OCM: variants seen among roughly 807,000 people sequenced by gnomAD.
The protein encoded by OCM is oncomodulin.
A neutral mutation model predicts 14.1 loss-of-function variants in OCM; 18 were observed. The observed-to-expected ratio is 1.28, with a 90% CI of 0.88 to 1.89. The LOEUF (loss-of-function observed/expected upper bound fraction) is 1.89. Among genes scored for constraint, OCM ranks in the 40% most tolerant of loss-of-function variants. The pLI is 0.00. For missense variants in OCM, 140 were observed against 137.6 expected (o/e 1.02, Z -0.09); for synonymous variants, 48 against 51.0 (o/e 0.94, Z 0.25).
the OCM span, among the ~76,000 whole-genome samples, chr7:5,861,533 G>T: frequency 1.1e-3 from 162 of 152,246 alleles, no homozygotes; most frequent in African/African-American, 3.5e-3. Flanking sequence ...ATTCAGGAAG[G>T]AAAACATGTT....
At chr7:5,867,912 T>C in the OCM span, among the ~76,000 whole-genome samples, 1 of 151,832 alleles carries the variant, frequency 6.6e-6, no homozygotes, top group South Asian at 2.1e-4. Flanking sequence ...CTTTTTAAAA[T>C]TTTTTTGTAG....
rs371136495 is a variant in OCM, at chr7:5,885,995, T to C, written c.305-69T>C. 1.1e-3 allele frequency: 1,752 copies of C among 1,609,094 alleles called. 3 individuals carry two copies. Among genetic ancestry groups the C allele is most frequent in the Non-Finnish European group, 1.3e-3 (1,568 of 1,175,810 alleles). ...CTTCCTTCCCTCTTTGGAATTCTCATTGGCCACGGCACGTCTGTAAAGAAC... is the reference window on the plus strand; with the variant it reads ...CTTCCTTCCCTCTTTGGAATTCTCACTGGCCACGGCACGTCTGTAAAGAAC... On this transcript the variant is annotated intron_variant, in intron 3 of 3. Coordinates refer to ENST00000242104, the MANE Select transcript of OCM (RefSeq NM_001097622.2).
upstream of OCM, among the ~76,000 whole-genome samples, chr7:5,875,392 G>T (rs1353261807): frequency 6.6e-6 from 1 of 151,940 alleles, no homozygotes; most frequent in African/African-American, 2.4e-5. Context: ...GCACATAATG[G>T]AATTCAAGTT....
the OCM span, among the ~76,000 whole-genome samples, chr7:5,869,947 C>T: frequency 1.3e-5 from 2 of 152,256 alleles, no homozygotes; most frequent in South Asian, 2.1e-4. Flanking sequence ...AACTGACAAG[C>T]GGTTAAATAC....
At chr7:5,884,508 A>G (rs904253463) in intron 3 of OCM, among the ~76,000 whole-genome samples, 1 of 152,032 alleles carries the variant, frequency 6.6e-6, no homozygotes. Flanking sequence ...AAATAAGCCA[A>G]CCTCATTTAT....
the OCM span, among the ~76,000 whole-genome samples, chr7:5,873,291 C>T: frequency 2.6e-5 from 4 of 152,094 alleles, no homozygotes; most frequent in South Asian, 6.2e-4. Context: ...GCAGGAGAAT[C>T]GCTTGAATCT....
the OCM span, among the ~76,000 whole-genome samples, chr7:5,863,526 G>A: frequency 1.3e-5 from 2 of 148,400 alleles, no homozygotes; most frequent in Non-Finnish European, 3.0e-5. Context: ...GGATGTGGAT[G>A]GTTCATTTTT....
chr7:5,870,078 A>C, the OCM span, among the ~76,000 whole-genome samples: 1 of 152,028 alleles, frequency 6.6e-6, no homozygotes, highest in African/African-American at 2.4e-5. Context: ...GAGTAGGCTG[A>C]CATTTGCAGA....
the OCM span, among the ~76,000 whole-genome samples, chr7:5,870,890 T>C: frequency 8.6e-6 from 1 of 116,754 alleles, no homozygotes; most frequent in East Asian, 2.2e-4. Flanking sequence ...AATTGATGAG[T>C]ATCTTTTTTT....
At chr7:5,873,292 G>T in the OCM span, among the ~76,000 whole-genome samples, 1 of 152,074 alleles carries the variant, frequency 6.6e-6, no homozygotes, top group South Asian at 2.1e-4. Flanking sequence ...CAGGAGAATC[G>T]CTTGAATCTG....
At chr7:5,873,772 C>T in the OCM span, among the ~76,000 whole-genome samples, 8 of 152,038 alleles carry the variant, frequency 5.3e-5, no homozygotes, top group Non-Finnish European at 8.8e-5. Context: ...AGGGTAGTGA[C>T]GGTGGCCCAT....
chr7:5,861,575 C>T, the OCM span, among the ~76,000 whole-genome samples: 2 of 152,058 alleles, frequency 1.3e-5, no homozygotes, highest in African/African-American at 2.4e-5. Context: ...GAGAGTTGCT[C>T]AGTACTTGGG....
chr7:5,885,735 C>G (rs891938190), intron 3 of OCM, among the ~76,000 whole-genome samples: 2 of 151,898 alleles, frequency 1.3e-5, no homozygotes, highest in African/African-American at 2.4e-5. Context: ...CTCAGCCTCC[C>G]AAGTAGCTGG....
intron 2 of OCM, among the ~76,000 whole-genome samples, chr7:5,882,993 C>T (rs1194056133): frequency 1.3e-5 from 2 of 151,924 alleles, no homozygotes; most frequent in Non-Finnish European, 2.9e-5. Flanking sequence ...CAGGTGCCTG[C>T]CACCACATCC....
the OCM span, among the ~76,000 whole-genome samples, chr7:5,862,946 G>T: frequency 5.3e-5 from 8 of 151,446 alleles, no homozygotes; most frequent in Non-Finnish European, 8.8e-5. Context: ...GGCTTGAGAT[G>T]AATGCAACAT....
rs181165482 is a variant in OCM at position 5,884,215 on chromosome 7, T to C, written c.304+216T>C. Among the ~76,000 whole-genome samples, 31 of 152,282 alleles carry C rather than the reference T, an allele frequency of 2.0e-4. 1 individual carries two copies. The East Asian group carries it at 6.0e-3, about 29-fold the overall frequency. ...GCTCGGTAGGTACTATAGAAGCTGG[T>C]CACACTGGTCATTGTCTATGAGCTG... On this transcript the variant is annotated intron_variant, in intron 3 of 3. Transcript: ENST00000242104.
the OCM span, among the ~76,000 whole-genome samples, chr7:5,869,892 C>CAAG: frequency 6.6e-6 from 1 of 152,106 alleles, no homozygotes; most frequent in Non-Finnish European, 1.5e-5. Context: ...TGACCCAGGA[C>CAAG]AAGAGCACAG....
At chr7:5,877,386 T>G (rs1583169166), upstream of OCM, among the ~76,000 whole-genome samples, 1 of 151,726 alleles carries the variant, frequency 6.6e-6, no homozygotes, top group Admixed American at 6.6e-5. Flanking sequence ...GAGGATTGCC[T>G]GAGCCCAGGA....
At chr7:5,886,000 C>T in intron 3 of OCM, 64 bp from the exon 4 acceptor site, 1 of 1,610,700 alleles carries the variant, frequency 6.2e-7, no homozygotes, top group Non-Finnish European at 8.5e-7. Context: ...TCTCATTGGC[C>T]ACGGCACGTC....
Sources: allele counts gnomAD v4.1 joint callset (sites outside exome capture counted in the v4.1 genomes callset), GRCh38; gene constraint gnomAD v4.1.1; transcripts MANE v1.5; gene names NCBI Gene and HGNC (gene_info 2026-07-23, HGNC 2026-07-21).